The following PDE1C variants were observed in gnomAD, a reference collection of about 807,000 sequenced individuals.
PDE1C encodes phosphodiesterase 1C, also known as dual specificity calcium/calmodulin-dependent 3',5'-cyclic nucleotide phosphodiesterase 1C.
Under a neutral mutation model 93.1 loss-of-function variants are expected in PDE1C, and 62 were observed. The observed-to-expected ratio is 0.67, with a 90% CI of 0.54 to 0.82. PDE1C has a LOEUF of 0.82. Ranked by LOEUF, PDE1C falls within the 40% of genes least tolerant of loss-of-function variation. PDE1C has a pLI of 0.00. For missense variants in PDE1C, 742 were observed against 884.6 expected, an observed-to-expected ratio of 0.84 and a Z score of 2.04; for synonymous variants, 325 against 310.1, an observed-to-expected ratio of 1.05 and a Z score of -0.50.
intron 3 of PDE1C, among the ~76,000 whole-genome samples, chr7:32,158,057 A>G (rs1801688619): frequency 6.6e-6 from 1 of 152,232 alleles, no homozygotes; most frequent in South Asian, 2.1e-4. Context: ...TTGCACAAAC[A>G]TGTAATTATA....
chr7:31,816,957 A>G (rs1788348941), intron 14 of PDE1C, among the ~76,000 whole-genome samples: 1 of 152,210 alleles, frequency 6.6e-6, no homozygotes. Flanking sequence ...TGCGTAGGTT[A>G]AGTATTTATG....
intron 2 of PDE1C, among the ~76,000 whole-genome samples, chr7:31,907,747 A>G (rs920493034): frequency 6.6e-6 from 1 of 152,176 alleles, no homozygotes; most frequent in Non-Finnish European, 1.5e-5. Context: ...ATAGCTGGAA[A>G]ATATCTCGTA....
chr7:32,307,440 G>A (rs1369622103), intron 1 of PDE1C, among the ~76,000 whole-genome samples: 1 of 152,294 alleles, frequency 6.6e-6, no homozygotes, highest in Middle Eastern at 3.4e-3. Context: ...CTGTTAGCCA[G>A]AAATTAGTCA....
chr7:31,765,807 C>G (rs1795106007), intron 17 of PDE1C, among the ~76,000 whole-genome samples: 1 of 152,178 alleles, frequency 6.6e-6, no homozygotes, highest in Non-Finnish European at 1.5e-5. Context: ...GGAGCTTGAT[C>G]TCACTCCCAG....
intron 2 of PDE1C, among the ~76,000 whole-genome samples, chr7:31,920,481 C>T (rs754170298): frequency 5.9e-5 from 9 of 152,100 alleles, no homozygotes; most frequent in Non-Finnish European, 8.8e-5. Context: ...CTGGGGAGAA[C>T]TCTCCTGAGA....
chr7:32,358,425 T>C (rs1784071341), intron 1 of PDE1C, among the ~76,000 whole-genome samples: 1 of 152,204 alleles, frequency 6.6e-6, no homozygotes, highest in Non-Finnish European at 1.5e-5. Flanking sequence ...AGTGTGTTCA[T>C]TGGCAAGAGG....
intron 3 of PDE1C, among the ~76,000 whole-genome samples, chr7:32,079,912 C>T (rs1399091285): frequency 6.6e-6 from 1 of 152,136 alleles, no homozygotes; most frequent in African/African-American, 2.4e-5. Flanking sequence ...GGGAGTGATA[C>T]AGATACTTGC....
chr7:31,643,771 A>T, the PDE1C span: 9 of 1,613,868 alleles, frequency 5.6e-6, no homozygotes, highest in Admixed American at 1.2e-4. Context: ...CTGCCATGCT[A>T]TACCTGCCCA....
At chr7:32,069,710 C>T (rs1795800532) in intron 1 of PDE1C, among the ~76,000 whole-genome samples, 1 of 152,090 alleles carries the variant, frequency 6.6e-6, no homozygotes, top group African/African-American at 2.4e-5. Flanking sequence ...TCAAATATTG[C>T]AAGAAAACCC....
intron 3 of PDE1C, among the ~76,000 whole-genome samples, chr7:32,135,676 G>A (rs1800165155): frequency 6.6e-6 from 1 of 152,168 alleles, no homozygotes; most frequent in African/African-American, 2.4e-5. Context: ...ATGTAAGTTG[G>A]TGCAGCCATT....
intron 2 of PDE1C, among the ~76,000 whole-genome samples, chr7:31,970,711 C>T (rs62457460): frequency 0.072 from 10,897 of 152,250 alleles, 602 homozygotes; most frequent in East Asian, 0.32. Flanking sequence ...CAAACTGATG[C>T]CTCAATTATA....
intron 3 of PDE1C, among the ~76,000 whole-genome samples, chr7:32,157,375 G>C (rs532734325): frequency 2.0e-5 from 3 of 152,108 alleles, no homozygotes; most frequent in South Asian, 2.1e-4. Flanking sequence ...TGAGGTGATG[G>C]ACATCCCCGT....
chr7:31,862,836 A>G (rs1220084304), intron 7 of PDE1C, among the ~76,000 whole-genome samples: 1 of 152,172 alleles, frequency 6.6e-6, no homozygotes, highest in Admixed American at 6.6e-5. Context: ...AATCAATTCT[A>G]TTGATATATT....
the PDE1C span, among the ~76,000 whole-genome samples, chr7:31,656,863 G>A: frequency 1.4e-5 from 2 of 144,246 alleles, no homozygotes; most frequent in East Asian, 4.1e-4. Flanking sequence ...GAGCATAGAA[G>A]GGAAACTAAA....
At chr7:31,851,007 C>T (rs1793257972) in intron 7 of PDE1C, 2 of 365,432 alleles carry the variant, frequency 5.5e-6, no homozygotes, top group African/African-American at 4.2e-5. Context: ...AACATGAAGA[C>T]TTGAAAAGCC....
At chr7:32,299,447 G>C, upstream of PDE1C, 1 of 980,160 alleles carries the variant, frequency 1.0e-6, no homozygotes, top group Non-Finnish European at 1.2e-6. Flanking sequence ...GTCACCGGAG[G>C]CTCTATGATG....
chr7:32,048,092 T>C (rs1792846720), intron 2 of PDE1C, among the ~76,000 whole-genome samples: 1 of 152,208 alleles, frequency 6.6e-6, no homozygotes, highest in Non-Finnish European at 1.5e-5. Context: ...CAAGATATAT[T>C]TAAAATTGTC....
chr7:32,309,499 G>A (rs1226489587), intron 1 of PDE1C, among the ~76,000 whole-genome samples: 1 of 152,196 alleles, frequency 6.6e-6, no homozygotes, highest in Non-Finnish European at 1.5e-5. Flanking sequence ...CAGCCAGAGA[G>A]AAAGGTCGGG....
chr7:31,952,718 C>T (rs1252489547), intron 2 of PDE1C, among the ~76,000 whole-genome samples: 1 of 152,196 alleles, frequency 6.6e-6, no homozygotes, highest in Non-Finnish European at 1.5e-5. Flanking sequence ...CTGCTTGTCA[C>T]ATTGCAAGGG....
Sources: allele counts gnomAD v4.1 joint callset (sites outside exome capture counted in the v4.1 genomes callset), GRCh38; gene constraint gnomAD v4.1.1; transcripts MANE v1.5; gene names NCBI Gene and HGNC (gene_info 2026-07-23, HGNC 2026-07-21).